SSR2: variants seen among roughly 807,000 people sequenced by gnomAD.
The protein encoded by SSR2 is signal sequence receptor subunit 2, also known as translocon-associated protein subunit beta.
Under a neutral mutation model 22.6 loss-of-function variants are expected in SSR2, and 16 were observed. That is an observed-to-expected ratio of 0.71 (90% CI 0.48 to 1.08). SSR2 has a LOEUF of 1.08. Among genes scored for constraint, SSR2 ranks in the 50% least tolerant of loss-of-function variants. The pLI is 0.00. For missense variants in SSR2, 171 were observed against 221.6 expected (o/e 0.77, Z 1.45); for synonymous variants, 83 against 91.2 (o/e 0.91, Z 0.51).
In SSR2 at chr1:156,009,437, G is replaced by A; in HGVS notation, c.*103C>T. 1.1e-6 allele frequency: 1 copy of A among 911,020 alleles called. No individual in the cohort carries two copies. The highest frequency in any genetic ancestry group is 1.8e-6 in the Non-Finnish European group (1 of 560,102). The allele number at this position is 911,020 out of a possible 1,614,324, so 56.4% of individuals were successfully genotyped here. A position where few individuals can be genotyped will look rare whatever the true frequency, so the allele number is the denominator to read the frequency against. ...GAGAAAGTGGCCAAGGGCTAAGAGA[G>A]AAGAGATTGCATTTAAGATACCCTT... On this transcript the variant is annotated 3_prime_UTR_variant, in exon 6 of 6. Coordinates refer to ENST00000295702, the MANE Select transcript of SSR2 (RefSeq NM_003145.4).
intron 2 of SSR2, 101 bp downstream of exon 2, chr1:156,019,912 C>T: frequency 1.5e-6 from 2 of 1,350,870 alleles, no homozygotes; most frequent in Middle Eastern, 4.5e-4. Context: ...CTGGAAGTGT[C>T]CCAAAGAGAA....
chr1:156,012,236 C>G (rs1393278577), intron 4 of SSR2: 1 of 297,568 alleles, frequency 3.4e-6, no homozygotes, highest in Middle Eastern at 1.2e-3. Flanking sequence ...CTCACCACCA[C>G]TGGTCCCTCT....
intron 4 of SSR2, chr1:156,012,563 G>A (rs1682992255): frequency 2.2e-6 from 1 of 456,246 alleles, no homozygotes; most frequent in Non-Finnish European, 4.4e-6. Flanking sequence ...CCTGAGGTTG[G>A]TTCTGAAAGC....
At chr1:156,018,100 C>T (rs1683086818) in intron 3 of SSR2, 170 bp downstream of exon 3, 1 of 565,632 alleles carries the variant, frequency 1.8e-6, no homozygotes, top group Admixed American at 2.9e-5. Flanking sequence ...TTCATGTCTA[C>T]TCTAAATCAT....
rs563083590 is a variant in SSR2, at chr1:156,009,170, G to A, written c.*370C>T. On this transcript the variant is annotated 3_prime_UTR_variant, in exon 6 of 6. Coordinates refer to ENST00000295702, the MANE Select transcript of SSR2 (RefSeq NM_003145.4). ...TTTCATCTTCCACCCTCTTCTGAGAGGGGGAGGCAGGGGATAGGGGTGGTG... is the reference window on the plus strand; with the variant it reads ...TTTCATCTTCCACCCTCTTCTGAGAAGGGGAGGCAGGGGATAGGGGTGGTG... 3 of 194,680 alleles carry A rather than the reference G, an allele frequency of 1.5e-5. No individual in the cohort carries two copies. The highest frequency in any genetic ancestry group is 3.1e-5 in the Non-Finnish European group (3 of 96,478). The allele number at this position is 194,680 out of a possible 1,614,324, so 12.1% of individuals were successfully genotyped here.
rs1682946446 is a variant in SSR2, at chr1:156,009,175, AG to A, written c.*364del. On this transcript the variant is annotated 3_prime_UTR_variant, in exon 6 of 6. Transcript: ENST00000295702. ...TCTTCCACCCTCTTCTGAGAGGGGG[AG>A]GCAGGGGATAGGGGTGGTGTCAGGC... The A allele has an allele frequency of 5.1e-6, 1 of 194,476 alleles. No homozygotes were observed. The highest frequency in any genetic ancestry group is 2.4e-5 in the African/African-American group (1 of 41,926). The allele number at this position is 194,476 out of a possible 1,614,324, so 12.0% of individuals were successfully genotyped here. A position where few individuals can be genotyped will look rare whatever the true frequency, so the allele number is the denominator to read the frequency against.
At chr1:156,018,394 G>A (rs1683093894) in intron 2 of SSR2, 26 bp from the exon 3 acceptor site, 1 of 1,579,204 alleles carries the variant, frequency 6.3e-7, no homozygotes, top group Non-Finnish European at 8.7e-7. Context: ...AACAAAAAGG[G>A]TTAGTAAGTA....
chr1:156,010,118 GTCACGGC>G (rs1207509758), intron 5 of SSR2: 1 of 154,140 alleles, frequency 6.5e-6, no homozygotes, highest in South Asian at 2.0e-4. Context: ...GAGTGGCATG[GTCACGGC>G]TCACCGCAGC....
Position 156,009,370 on chromosome 1 carries a change from G to T in SSR2, c.*170C>A. The T allele has an allele frequency of 1.6e-6, 1 of 640,922 alleles. No individual in the cohort carries two copies. The allele number at this position is 640,922 out of a possible 1,614,324, so 39.7% of individuals were successfully genotyped here. Reference sequence around the variant, plus strand: ...CCAAGGAGGCTCTCGCAGACTCCTAGGGCTGGTCCTTCACTATGGCTGAGA... The same window carrying T: ...CCAAGGAGGCTCTCGCAGACTCCTATGGCTGGTCCTTCACTATGGCTGAGA... On this transcript the variant is annotated 3_prime_UTR_variant, in exon 6 of 6. Coordinates refer to ENST00000295702, the MANE Select transcript of SSR2 (RefSeq NM_003145.4).
chr1:156,012,851 G>T, intron 4 of SSR2: 1 of 221,984 alleles, frequency 4.5e-6, no homozygotes, highest in South Asian at 6.1e-5. Context: ...TAATCCTCTT[G>T]GTATTCCCCA....
At chr1:156,012,449 C>A (rs545064254) in intron 4 of SSR2, 19 of 442,360 alleles carry the variant, frequency 4.3e-5, no homozygotes, top group African/African-American at 3.6e-4. Flanking sequence ...GGAGAGGAAG[C>A]CAAGAGTTTG....
intron 3 of SSR2, 21 bp downstream of exon 3, chr1:156,018,249 C>T: frequency 6.2e-7 from 1 of 1,603,552 alleles, no homozygotes; most frequent in Non-Finnish European, 8.5e-7. Flanking sequence ...GACCCTTCAT[C>T]ACCAAGTGCC....
intron 3 of SSR2, among the ~76,000 whole-genome samples, chr1:156,016,243 TTTG>T (rs1290421012): frequency 6.6e-6 from 1 of 152,088 alleles, no homozygotes; most frequent in African/African-American, 2.4e-5. Context: ...ATCTTTTTTT[TTTG>T]TTTTTTTTTG....
chr1:156,011,775 A>C (rs951111453), intron 5 of SSR2, 35 bp downstream of exon 5: 3 of 1,566,132 alleles, frequency 1.9e-6, no homozygotes, highest in African/African-American at 2.7e-5. Flanking sequence ...TTCTCATACC[A>C]AGGAACTGAT....
At chr1:156,010,756 C>G (rs950099040) in intron 5 of SSR2, 18 of 152,332 alleles carry the variant, frequency 1.2e-4, no homozygotes, top group African/African-American at 4.3e-4. Flanking sequence ...CAGGCCCCCT[C>G]TTTTCCATTC....
chr1:156,020,615 C>T (rs770551884), intron 1 of SSR2: 25 of 317,124 alleles, frequency 7.9e-5, no homozygotes, highest in Non-Finnish European at 1.2e-4. Flanking sequence ...CTCGCGGGGT[C>T]CTCCTCACAT....
chr1:156,015,152 C>T, intron 3 of SSR2, 83 bp from the exon 4 acceptor site: 1 of 1,034,188 alleles, frequency 9.7e-7, no homozygotes, highest in Non-Finnish European at 1.5e-6. Context: ...GCACCACTTA[C>T]AAAACATTTG....
intron 1 of SSR2, 125 bp downstream of exon 1, chr1:156,020,763 C>G: frequency 2.4e-6 from 1 of 412,346 alleles, no homozygotes. Context: ...CAAGGTTACA[C>G]GTCCTCCAGC....
At chr1:156,012,165 C>A in intron 4 of SSR2, 1 of 332,428 alleles carries the variant, frequency 3.0e-6, no homozygotes, top group South Asian at 3.9e-5. Context: ...GCCAGGCATG[C>A]AACTGAAATT....
Sources: gnomAD v4.1 joint callset for allele counts (sites outside exome capture counted in the v4.1 genomes callset) on GRCh38, gnomAD v4.1.1 for gene constraint, MANE v1.5 for transcripts, NCBI Gene and HGNC (gene_info 2026-07-23, HGNC 2026-07-21) for gene names.